Variants in SC5D observed in about 807,000 individuals in gnomAD.
The protein encoded by SC5D is lathosterol oxidase.
Under a neutral mutation model 23.9 loss-of-function variants are expected in SC5D, and 21 were observed. That is an observed-to-expected ratio of 0.88 (90% CI 0.62 to 1.26). The LOEUF (loss-of-function observed/expected upper bound fraction) is 1.26. Ranked by LOEUF, SC5D falls within the 50% of genes most tolerant of loss-of-function variation. The pLI, the probability that SC5D is intolerant of heterozygous loss-of-function variation, is 0.00. For synonymous variants in SC5D, 113 were observed against 125.9 expected, an observed-to-expected ratio of 0.90 and a Z score of 0.68; for missense variants, 309 against 364.8, an observed-to-expected ratio of 0.85 and a Z score of 1.25.
rs1947946143 is a variant in SC5D, at chr11:121,304,239, C to G, written c.211-122C>G. On this transcript the variant is annotated intron_variant, in intron 2 of 4. Coordinates refer to ENST00000264027, the MANE Select transcript of SC5D (RefSeq NM_006918.5). ...TATGTATTTAAAATTTTAATAGAAACAGTTTGGAGGTAAGCCCCTTCATGT... is the reference window on the plus strand; with the variant it reads ...TATGTATTTAAAATTTTAATAGAAAGAGTTTGGAGGTAAGCCCCTTCATGT... The G allele has an allele frequency of 1.0e-5, 8 of 789,240 alleles. No individual in the cohort carries two copies. The East Asian group carries it at 2.1e-4, about 21-fold the overall frequency. 48.9% of individuals were successfully genotyped at this position (789,240 alleles called of 1,614,324 possible).
rs77153247 is a variant in SC5D at position 121,306,852 on chromosome 11, A to T, written c.445-205A>T. The T allele has an allele frequency of 9.8e-4, 646 of 656,882 alleles. 6 individuals are homozygous for T. In the African/African-American group the frequency reaches 0.01, roughly 10 times the overall value. 40.7% of individuals were successfully genotyped at this position (656,882 alleles called of 1,614,324 possible). A position where few individuals can be genotyped will look rare whatever the true frequency, so the allele number is the denominator to read the frequency against. On this transcript the variant is annotated intron_variant, in intron 4 of 4. Transcript: ENST00000264027. ...GCCAGACTTCACCACTGTGCAGTAT[A>T]TCCATGGAACACCACTGCACTTGTA...
In SC5D at chr11:121,311,951, A is replaced by G. The variant is rs1948014152; in HGVS notation, c.*4439A>G. ...TTGGAGGGTGAAAGACATTGAGGTGAAGTAGAGATAGAGGGTACACAGAAA... is the reference window on the plus strand; with the variant it reads ...TTGGAGGGTGAAAGACATTGAGGTGGAGTAGAGATAGAGGGTACACAGAAA... On this transcript the variant is annotated 3_prime_UTR_variant, in exon 5 of 5. Coordinates refer to ENST00000264027, the MANE Select transcript of SC5D (RefSeq NM_006918.5). 6.6e-6 allele frequency among the ~76,000 whole-genome samples: 1 copy of G among 152,226 alleles called. No individual in the cohort carries two copies. Among genetic ancestry groups the G allele is most frequent in the Admixed American group, 6.5e-5 (1 of 15,280 alleles).
chr11:121,299,433 A>T (rs1204464316), intron 1 of SC5D, among the ~76,000 whole-genome samples: 1 of 152,336 alleles, frequency 6.6e-6, no homozygotes, highest in South Asian at 2.1e-4. Flanking sequence ...TTTTTCTTTT[A>T]AAAAGAGAAT....
At chr11:121,304,168 G>A in intron 2 of SC5D, 193 bp from the exon 3 acceptor site, 1 of 548,574 alleles carries the variant, frequency 1.8e-6, no homozygotes, top group Non-Finnish European at 3.2e-6. Flanking sequence ...AATACTTATT[G>A]CATTTTCTCA....
chr11:121,305,855 C>G (rs1947960401), intron 3 of SC5D: 1 of 157,440 alleles, frequency 6.4e-6, no homozygotes, highest in South Asian at 1.9e-4. Context: ...GGTTCTTGAA[C>G]CCCTATGATG....
intron 1 of SC5D, among the ~76,000 whole-genome samples, chr11:121,299,055 T>C (rs957716064): frequency 1.3e-5 from 2 of 152,220 alleles, no homozygotes; most frequent in Non-Finnish European, 2.9e-5. Flanking sequence ...AGACTTGGGC[T>C]CAGAGGCCTG....
chr11:121,295,584 G>A (rs955980431), intron 1 of SC5D, among the ~76,000 whole-genome samples: 1 of 152,136 alleles, frequency 6.6e-6, no homozygotes, highest in Non-Finnish European at 1.5e-5. Flanking sequence ...TGTGAGGGAG[G>A]GATGTAGCTT....
intron 1 of SC5D, among the ~76,000 whole-genome samples, chr11:121,296,378 C>G (rs1947889741): frequency 6.6e-6 from 1 of 152,230 alleles, no homozygotes; most frequent in Admixed American, 6.5e-5. Context: ...TCCACCCCAT[C>G]ACCCTGTCTA....
intron 1 of SC5D, among the ~76,000 whole-genome samples, chr11:121,295,957 G>A (rs769571954): frequency 2.0e-5 from 3 of 152,092 alleles, no homozygotes; most frequent in Non-Finnish European, 4.4e-5. Context: ...CCGAGGTCAG[G>A]CTATCATTTT....
chr11:121,305,588 G>A (rs1050090257), intron 3 of SC5D: 1 of 152,232 alleles, frequency 6.6e-6, no homozygotes, highest in African/African-American at 2.4e-5. Flanking sequence ...TTAGCGGGGT[G>A]TGGTGGTGCA....
Position 121,309,060 on chromosome 11 carries a change from T to G in SC5D, c.*1548T>G, listed in dbSNP as rs1051171955. Among the ~76,000 whole-genome samples the G allele has an allele frequency of 6.6e-6, 1 of 152,314 alleles. No individual in the cohort carries two copies. The highest frequency in any genetic ancestry group is 2.4e-5 in the African/African-American group (1 of 41,572). On this transcript the variant is annotated 3_prime_UTR_variant, in exon 5 of 5. Coordinates refer to ENST00000264027, the MANE Select transcript of SC5D (RefSeq NM_006918.5). Reference sequence around the variant, plus strand: ...TTCCTAATATAATGTCAGCTGATATTTATTGAGCTTTTCCTCTTTGCCCAG... The same window carrying G: ...TTCCTAATATAATGTCAGCTGATATGTATTGAGCTTTTCCTCTTTGCCCAG...
intron 1 of SC5D, among the ~76,000 whole-genome samples, chr11:121,299,641 G>A (rs182903781): frequency 6.6e-6 from 1 of 152,312 alleles, no homozygotes; most frequent in African/African-American, 2.4e-5. Context: ...TGTAATCCTA[G>A]CACTTTGGGA....
chr11:121,297,649 G>A (rs140764493), intron 1 of SC5D, among the ~76,000 whole-genome samples: 2 of 152,286 alleles, frequency 1.3e-5, no homozygotes, highest in East Asian at 3.9e-4. Flanking sequence ...GATCGTGGAC[G>A]TTTTATAGTG....
In SC5D at chr11:121,312,573, AAGAC is replaced by A. The variant is rs1565572411; in HGVS notation, c.*5063_*5066del. On this transcript the variant is annotated 3_prime_UTR_variant, in exon 5 of 5. Coordinates refer to ENST00000264027, the MANE Select transcript of SC5D (RefSeq NM_006918.5). ...CACTTCACAACTCACGATTCAAACA[AAGAC>A]AAAATAGCATATCAAAAGTTAATCA... Among the ~76,000 whole-genome samples, 3 of 152,164 alleles carry A rather than the reference AAGAC, an allele frequency of 2.0e-5. No individual in the cohort carries two copies. The highest frequency in any genetic ancestry group is 2.9e-5 in the Non-Finnish European group (2 of 67,992).
At chr11:121,300,506 G>A (rs1947919037) in intron 1 of SC5D, among the ~76,000 whole-genome samples, 1 of 152,158 alleles carries the variant, frequency 6.6e-6, no homozygotes, top group Admixed American at 6.5e-5. Context: ...ATATCATCCT[G>A]TCCCAGGGTG....
rs1948021385 is a variant in SC5D, at chr11:121,312,835, C to T, written c.*5323C>T. On this transcript the variant is annotated 3_prime_UTR_variant, in exon 5 of 5. Coordinates refer to ENST00000264027, the MANE Select transcript of SC5D (RefSeq NM_006918.5). ...TTTAGATGTAAACTTGCCCCCCTGACATGTGGTATGAAACAAATAGAAACC... is the reference window on the plus strand; with the variant it reads ...TTTAGATGTAAACTTGCCCCCCTGATATGTGGTATGAAACAAATAGAAACC... Among the ~76,000 whole-genome samples the T allele has an allele frequency of 6.6e-6, 1 of 152,108 alleles. No individual in the cohort carries two copies. The highest frequency in any genetic ancestry group is 6.5e-5 in the Admixed American group (1 of 15,274).
At chr11:121,300,910 T>C (rs1235126999) in intron 1 of SC5D, among the ~76,000 whole-genome samples, 2 of 152,220 alleles carry the variant, frequency 1.3e-5, no homozygotes, top group East Asian at 3.8e-4. Context: ...AAGAGACTTG[T>C]AGCTGCACAC....
rs1019137111 is a variant in SC5D, at chr11:121,312,351, T to C, written c.*4839T>C. Reference sequence around the variant, plus strand: ...AATCTCTAAGCTCAACTTGAAGATATAAGAACAGTAAATTTGATAAAAATG... The same window carrying C: ...AATCTCTAAGCTCAACTTGAAGATACAAGAACAGTAAATTTGATAAAAATG... On this transcript the variant is annotated 3_prime_UTR_variant, in exon 5 of 5. Coordinates refer to ENST00000264027, the MANE Select transcript of SC5D (RefSeq NM_006918.5). 3.3e-5 allele frequency among the ~76,000 whole-genome samples: 5 copies of C among 152,208 alleles called. No homozygotes were observed. Among genetic ancestry groups the C allele is most frequent in the African/African-American group, 9.6e-5 (4 of 41,478 alleles).
Position 121,310,765 on chromosome 11 carries a change from T to G in SC5D, c.*3253T>G, listed in dbSNP as rs1948004715. Among the ~76,000 whole-genome samples, 1 of 152,134 alleles carries G rather than the reference T, an allele frequency of 6.6e-6. No homozygotes were observed. Among genetic ancestry groups the G allele is most frequent in the South Asian group, 2.1e-4 (1 of 4,816 alleles). ...GTGAGCCACCATGCCCAGCCCCTTC[T>G]GTCCCTTCTAACGTGAGGACCCAGC... On this transcript the variant is annotated 3_prime_UTR_variant, in exon 5 of 5. Transcript: ENST00000264027.
Sources: allele counts gnomAD v4.1 joint callset (sites outside exome capture counted in the v4.1 genomes callset), GRCh38; gene constraint gnomAD v4.1.1; transcripts MANE v1.5; gene names NCBI Gene and HGNC (gene_info 2026-07-23, HGNC 2026-07-21).